VTI1B: variants seen among roughly 807,000 people sequenced by gnomAD.
The protein encoded by VTI1B is vesicle transport through interaction with t-SNAREs homolog 1B.
Under a neutral mutation model 28.6 loss-of-function variants are expected in VTI1B, and 18 were observed. The observed-to-expected ratio is 0.63, with a 90% CI of 0.43 to 0.93. VTI1B has a LOEUF of 0.93. VTI1B is among the 40% of genes least tolerant of loss of function. VTI1B has a pLI of 0.00. For missense variants in VTI1B, 283 were observed against 297.0 expected (o/e 0.95, Z 0.35); for synonymous variants, 100 against 107.9 (o/e 0.93, Z 0.46).
Position 67,647,350 on chromosome 14 carries a change from G to GT in VTI1B, c.*4034dup, listed in dbSNP as rs1200164750. The GT allele has an allele frequency of 1.4e-5, 3 of 218,366 alleles. No individual in the cohort carries two copies. The highest frequency in any genetic ancestry group is 2.7e-5 in the Non-Finnish European group (3 of 111,734). 13.5% of individuals were successfully genotyped at this position (218,366 alleles called of 1,614,324 possible). On this transcript the variant is annotated 3_prime_UTR_variant, in exon 6 of 6. Transcript: ENST00000554659. ...CCAGCCTCACGATTGTTTCATCTGA[G>GT]TTTTATATTAAGCAAATCTTGGCAG...
At chr14:67,670,522 C>T (rs772616825) in intron 1 of VTI1B, among the ~76,000 whole-genome samples, 52 of 152,048 alleles carry the variant, frequency 3.4e-4, no homozygotes, top group African/African-American at 1.2e-3. Context: ...TCTCAGAGAA[C>T]TTTATTTTAG....
At position 67,650,347 on chromosome 14, in the gene VTI1B, G is replaced by A; in HGVS notation, c.*1038C>T. 7.6e-6 allele frequency: 2 copies of A among 262,662 alleles called. No homozygotes were observed. The highest frequency in any genetic ancestry group is 1.5e-5 in the Non-Finnish European group (2 of 135,770). The allele number at this position is 262,662 out of a possible 1,614,324, so 16.3% of individuals were successfully genotyped here. On this transcript the variant is annotated 3_prime_UTR_variant, in exon 6 of 6. Transcript: ENST00000554659. ...TTCATTTCCAGGCAGGCATCTGGAA[G>A]GTTCCTAGTCATACTGGAGGTGGCA...
At position 67,650,415 on chromosome 14, in the gene VTI1B, C is replaced by A; in HGVS notation, c.*970G>T. 1 of 373,422 alleles carries A rather than the reference C, an allele frequency of 2.7e-6. No homozygotes were observed. The highest frequency in any genetic ancestry group is 4.9e-6 in the Non-Finnish European group (1 of 202,868). 23.1% of individuals were successfully genotyped at this position (373,422 alleles called of 1,614,324 possible). ...CAGGATGAAAACCTCCCCCACCCAA[C>A]ACCAAGCCTTTTCCTTTTCCAGAAC... On this transcript the variant is annotated 3_prime_UTR_variant, in exon 6 of 6. Coordinates refer to ENST00000554659, the MANE Select transcript of VTI1B (RefSeq NM_006370.3).
In VTI1B at chr14:67,660,583, C is replaced by A. The variant is rs369623623; in HGVS notation, c.175-661G>T. Among the ~76,000 whole-genome samples, 46 of 152,298 alleles carry A rather than the reference C, an allele frequency of 3.0e-4. 1 individual carries two copies. Among genetic ancestry groups the A allele is most frequent in the African/African-American group, 1.1e-3 (45 of 41,558 alleles). ...GGTCTGGCATCAGGGTTCTTCCCTT[C>A]TCCTGCTCCTCTTTCTGAAAATCAA... On this transcript the variant is annotated intron_variant, in intron 2 of 5. Coordinates refer to ENST00000554659, the MANE Select transcript of VTI1B (RefSeq NM_006370.3).
In VTI1B at chr14:67,656,547, C is replaced by T; in HGVS notation, c.409G>A (p.Glu137Lys). 1 of 1,613,906 alleles carries T rather than the reference C, an allele frequency of 6.2e-7. No individual in the cohort carries two copies. Among genetic ancestry groups the T allele is most frequent in the Non-Finnish European group, 8.5e-7 (1 of 1,179,838 alleles). ...SQRAMLLQGT[E>K]SLNRATQSIE... ...CTTTGGGTGGCCCGGTTCAGGCTTT[C>T]AGTGCCCTGCAGAAGCATTGCCCTT... is the stretch of plus-strand genomic sequence containing the variant. The change falls in exon 4 of 6, where the codon GAA (glutamate) becomes AAA (lysine). Residue 137 changes from glutamate (E) to lysine (K), a missense_variant. Glu to Lys is a moderately conservative substitution (Grantham distance 56, BLOSUM62 1). Transcript: ENST00000554659.
chr14:67,662,458 A>G lies in VTI1B; in HGVS notation c.174+19T>C. On this transcript the variant is annotated intron_variant, in intron 2 of 5. Coordinates refer to ENST00000554659, the MANE Select transcript of VTI1B (RefSeq NM_006370.3). ...ACCAACACCAGGTAGAAGAAACAAA[A>G]TTTGTTCCTTGTTCTCACCGTTTCA... The G allele has an allele frequency of 1.2e-6, 2 of 1,610,058 alleles. No individual in the cohort carries two copies. Among genetic ancestry groups the G allele is most frequent in the African/African-American group, 1.3e-5 (1 of 74,798 alleles).
chr14:67,658,019 G>C (rs894870106), intron 3 of VTI1B, among the ~76,000 whole-genome samples: 2 of 152,156 alleles, frequency 1.3e-5, no homozygotes, highest in African/African-American at 2.4e-5. Flanking sequence ...AAGGTGCTGG[G>C]ATTACAGGCG....
intron 1 of VTI1B, among the ~76,000 whole-genome samples, chr14:67,671,835 A>G (rs906227581): frequency 6.6e-6 from 1 of 152,188 alleles, no homozygotes; most frequent in African/African-American, 2.4e-5. Context: ...CAAGCAAGAG[A>G]GGGCTGAACT....
Position 67,651,030 on chromosome 14 carries a change from A to G in VTI1B, c.*355T>C. Reference sequence around the variant, plus strand: ...CTGGGTCAATACTGCCTTAATGAGAACATTTACACATTCTCACAATTGTAA... The same window carrying G: ...CTGGGTCAATACTGCCTTAATGAGAGCATTTACACATTCTCACAATTGTAA... On this transcript the variant is annotated 3_prime_UTR_variant, in exon 6 of 6. Transcript: ENST00000554659. The G allele has an allele frequency of 8.9e-7, 1 of 1,129,778 alleles. No homozygotes were observed. Among genetic ancestry groups the G allele is most frequent in the East Asian group, 2.5e-5 (1 of 39,542 alleles). The allele number at this position is 1,129,778 out of a possible 1,614,324, so 70.0% of individuals were successfully genotyped here.
intron 1 of VTI1B, 79 bp from the exon 2 acceptor site, chr14:67,662,614 A>C (rs1326002826): frequency 7.6e-7 from 1 of 1,314,632 alleles, no homozygotes; most frequent in Non-Finnish European, 1.1e-6. Flanking sequence ...GCTTCGAATA[A>C]GCTTCCTATG....
Position 67,651,084 on chromosome 14 carries a change from C to T in VTI1B, c.*301G>A. 1 of 947,834 alleles carries T rather than the reference C, an allele frequency of 1.1e-6. No homozygotes were observed. The highest frequency in any genetic ancestry group is 1.6e-6 in the Non-Finnish European group (1 of 639,584). 58.7% of individuals were successfully genotyped at this position (947,834 alleles called of 1,614,324 possible). ...TTCCCCTCTATTTTGGTGACCAATACTACTGTAAATGTATTTGGTTTTTTG... is the reference window on the plus strand; with the variant it reads ...TTCCCCTCTATTTTGGTGACCAATATTACTGTAAATGTATTTGGTTTTTTG... On this transcript the variant is annotated 3_prime_UTR_variant, in exon 6 of 6. Transcript: ENST00000554659.
At position 67,647,529 on chromosome 14, in the gene VTI1B, C is replaced by T. The variant is rs2037115770; in HGVS notation, c.*3856G>A. 1 of 156,180 alleles carries T rather than the reference C, an allele frequency of 6.4e-6. No individual in the cohort carries two copies. The highest frequency in any genetic ancestry group is 2.4e-5 in the African/African-American group (1 of 41,482). The allele number at this position is 156,180 out of a possible 1,614,324, so 9.7% of individuals were successfully genotyped here. The stretch of plus-strand genomic sequence containing the variant: ...TAAGAAACTTAGTTGTTAGCTTCAG[C>T]CTTTGGACACTGGGGCTATAATGAA... On this transcript the variant is annotated 3_prime_UTR_variant, in exon 6 of 6. Coordinates refer to ENST00000554659, the MANE Select transcript of VTI1B (RefSeq NM_006370.3).
rs1350042625 is a variant in VTI1B at position 67,663,260 on chromosome 14, G to A, written c.116-725C>T. 4.1e-5 allele frequency: 46 copies of A among 1,112,740 alleles called. No homozygotes were observed. In the Admixed American group the frequency reaches 7.9e-4, roughly 19 times the overall value. 68.9% of individuals were successfully genotyped at this position (1,112,740 alleles called of 1,614,324 possible). ...TAACTAAAACAGTATTGTCTTAATT[G>A]TATTTTCTGATAGTTTATACTACAG... On this transcript the variant is annotated intron_variant, in intron 1 of 5. Coordinates refer to ENST00000554659, the MANE Select transcript of VTI1B (RefSeq NM_006370.3).
chr14:67,655,092 C>A (rs1276599632), intron 4 of VTI1B, among the ~76,000 whole-genome samples: 1 of 146,696 alleles, frequency 6.8e-6, no homozygotes, highest in Non-Finnish European at 1.5e-5. Context: ...GTAATCCTAG[C>A]GCTTTGGGAG....
intron 3 of VTI1B, among the ~76,000 whole-genome samples, chr14:67,656,817 A>G (rs1367582677): frequency 6.6e-6 from 1 of 152,118 alleles, no homozygotes; most frequent in Admixed American, 6.6e-5. Context: ...TGCCTTTTAC[A>G]CTTACGCGAG....
intron 1 of VTI1B, among the ~76,000 whole-genome samples, chr14:67,664,025 G>C (rs978093369): frequency 1.3e-5 from 2 of 151,770 alleles, no homozygotes; most frequent in Non-Finnish European, 2.9e-5. Flanking sequence ...CCAAATGACT[G>C]TTCTCCCTGG....
chr14:67,674,314 A>G lies in VTI1B; in HGVS notation c.115+61T>C, dbSNP rs2037506408. ...CCCGGGTCTGGGAGGAAGGTGGGAGAATCTTCCTTCCAAAGCGCGCAGGGC... is the reference window on the plus strand; with the variant it reads ...CCCGGGTCTGGGAGGAAGGTGGGAGGATCTTCCTTCCAAAGCGCGCAGGGC... On this transcript the variant is annotated intron_variant, in intron 1 of 5. Coordinates refer to ENST00000554659, the MANE Select transcript of VTI1B (RefSeq NM_006370.3). 3.5e-6 allele frequency: 5 copies of G among 1,414,666 alleles called. No homozygotes were observed. The African/African-American group carries it at 5.9e-5, about 17-fold the overall frequency. The allele number at this position is 1,414,666 out of a possible 1,614,324, so 87.6% of individuals were successfully genotyped here. A position where few individuals can be genotyped will look rare whatever the true frequency, so the allele number is the denominator to read the frequency against.
In VTI1B at chr14:67,674,502, GCTGGAGCA is replaced by G; in HGVS notation, c.-21_-14del. ...CGGAGGAGGCCATGGCGCAGGCCGC[GCTGGAGCA>G]GCGGCCACCGAGATTCGGGGCCCTG... On this transcript the variant is annotated 5_prime_UTR_variant, in exon 1 of 6. Coordinates refer to ENST00000554659, the MANE Select transcript of VTI1B (RefSeq NM_006370.3). 1 of 1,582,552 alleles carries G rather than the reference GCTGGAGCA, an allele frequency of 6.3e-7. No homozygotes were observed. Among genetic ancestry groups the G allele is most frequent in the Non-Finnish European group, 8.6e-7 (1 of 1,166,130 alleles).
chr14:67,664,511 T>TC (rs397950908), intron 1 of VTI1B, among the ~76,000 whole-genome samples: 10 of 151,428 alleles, frequency 6.6e-5, no homozygotes, highest in Non-Finnish European at 1.5e-4. Context: ...TTTTTTTTTT[T>TC]CTTGAGACAG....
Sources: allele counts gnomAD v4.1 joint callset (sites outside exome capture counted in the v4.1 genomes callset), GRCh38; gene constraint gnomAD v4.1.1; transcripts MANE v1.5; gene names NCBI Gene and HGNC (gene_info 2026-07-23, HGNC 2026-07-21).